OSBPL1A: variants seen among roughly 807,000 people sequenced by gnomAD.
OSBPL1A encodes the protein oxysterol-binding protein-related protein 1.
In OSBPL1A, 80 loss-of-function variants were observed where a neutral mutation model predicts 137.1. That is an observed-to-expected ratio of 0.58 (90% CI 0.49 to 0.70). The LOEUF (loss-of-function observed/expected upper bound fraction) is 0.70. OSBPL1A is among the 30% of genes least tolerant of loss of function. OSBPL1A has a pLI of 0.00. For missense variants in OSBPL1A, 970 were observed against 1,129.4 expected, an observed-to-expected ratio of 0.86 and a Z score of 2.02; for synonymous variants, 365 against 389.7, an observed-to-expected ratio of 0.94 and a Z score of 0.75.
chr18:24,262,622 G>C (rs772813330), intron 15 of OSBPL1A, among the ~76,000 whole-genome samples: 124 of 152,264 alleles, frequency 8.1e-4, no homozygotes, highest in Non-Finnish European at 1.3e-3. Context: ...TTTATGTTAA[G>C]TGTATGATTC....
At chr18:24,268,485 T>C (rs1245738576) in intron 15 of OSBPL1A, among the ~76,000 whole-genome samples, 2 of 152,068 alleles carry the variant, frequency 1.3e-5, no homozygotes, top group African/African-American at 2.4e-5. Context: ...GGCACACATA[T>C]ACCTATATAA....
intron 1 of OSBPL1A, among the ~76,000 whole-genome samples, chr18:24,382,818 G>C (rs1599737352): frequency 6.6e-6 from 1 of 152,126 alleles, no homozygotes; most frequent in East Asian, 1.9e-4. Flanking sequence ...TGAGACTGCA[G>C]TGAGCTGAGA....
rs1491534405 is a variant in OSBPL1A at position 24,175,104 on chromosome 18, G to GTGTATATATATATATA, written c.2094-2622_2094-2621insTATATATATATATACA. ...GACTTCATGTGCTTATTTGCCATGTGTATGTATATATATATATATATATAT... is the reference window on the plus strand; with the variant it reads ...GACTTCATGTGCTTATTTGCCATGTGTGTATATATATATATATATGTATATATATATATATATATAT... On this transcript the variant is annotated intron_variant, in intron 21 of 27. Coordinates refer to ENST00000319481, the MANE Select transcript of OSBPL1A (RefSeq NM_080597.4). Among the ~76,000 whole-genome samples, 339 of 42,640 alleles carry GTGTATATATATATATA rather than the reference G, an allele frequency of 8.0e-3. 6 individuals carry two copies. The highest frequency in any genetic ancestry group is 0.013 in the South Asian group (14 of 1,064). 28.0% of individuals were successfully genotyped at this position (42,640 alleles called of 152,430 possible).
chr18:24,366,068 T>C (rs1204253668), intron 4 of OSBPL1A, among the ~76,000 whole-genome samples: 1 of 152,168 alleles, frequency 6.6e-6, no homozygotes, highest in Non-Finnish European at 1.5e-5. Flanking sequence ...TTCTGACTGA[T>C]GGTCTTTAAA....
In OSBPL1A at chr18:24,233,147, T is replaced by C. The variant is rs545273774; in HGVS notation, c.1444+6073A>G. On this transcript the variant is annotated intron_variant, in intron 16 of 27. Coordinates refer to ENST00000319481, the MANE Select transcript of OSBPL1A (RefSeq NM_080597.4). ...TTCCGTGAAACTGCTCTCAGACTAG[T>C]TACTAAAGAAAAACCACCATGAAAT... 3.3e-5 allele frequency among the ~76,000 whole-genome samples: 5 copies of C among 152,316 alleles called. No individual in the cohort carries two copies. The East Asian group carries it at 7.7e-4, about 24-fold the overall frequency.
rs2091707451 is a variant in OSBPL1A at position 24,366,712 on chromosome 18, G to A, written c.282+180C>T. On this transcript the variant is annotated intron_variant, in intron 4 of 27. Coordinates refer to ENST00000319481, the MANE Select transcript of OSBPL1A (RefSeq NM_080597.4). ...CAGAGTGGGGGTCTCCATGACCTTA[G>A]TACTGGACCTCACTGTCAGACTCAA... 4 of 511,726 alleles carry A rather than the reference G, an allele frequency of 7.8e-6. No individual in the cohort carries two copies. The East Asian group carries it at 1.3e-4, about 16-fold the overall frequency. 31.7% of individuals were successfully genotyped at this position (511,726 alleles called of 1,614,324 possible). A position where few individuals can be genotyped will look rare whatever the true frequency, so the allele number is the denominator to read the frequency against.
chr18:24,362,864 G>C (rs1354192685), intron 4 of OSBPL1A, among the ~76,000 whole-genome samples: 1 of 152,152 alleles, frequency 6.6e-6, no homozygotes, highest in East Asian at 1.9e-4. Context: ...AACAAACTGA[G>C]AGGCAGTTAC....
At chr18:24,293,518 C>T (rs1035997085) in intron 14 of OSBPL1A, among the ~76,000 whole-genome samples, 9 of 152,148 alleles carry the variant, frequency 5.9e-5, no homozygotes, top group East Asian at 1.9e-4. Flanking sequence ...GCAGAGCAGA[C>T]GAGGAGGAGC....
intron 15 of OSBPL1A, among the ~76,000 whole-genome samples, chr18:24,252,952 C>A (rs1037153401): frequency 6.6e-6 from 1 of 151,334 alleles, no homozygotes; most frequent in South Asian, 2.1e-4. Flanking sequence ...AGCCTCAAAT[C>A]GAAAAACATA....
intron 15 of OSBPL1A, among the ~76,000 whole-genome samples, chr18:24,268,043 C>G (rs2089626005): frequency 6.6e-6 from 1 of 152,056 alleles, no homozygotes; most frequent in African/African-American, 2.4e-5. Context: ...CATTTGTTTC[C>G]TCACCTCCCT....
At chr18:24,231,417 C>T (rs537000822) in intron 16 of OSBPL1A, among the ~76,000 whole-genome samples, 1 of 152,214 alleles carries the variant, frequency 6.6e-6, no homozygotes, top group South Asian at 2.1e-4. Flanking sequence ...CTCAGCCTCC[C>T]TAGTAGCTGG....
intron 17 of OSBPL1A, among the ~76,000 whole-genome samples, chr18:24,199,481 G>A (rs886110935): frequency 6.6e-6 from 1 of 151,978 alleles, no homozygotes; most frequent in African/African-American, 2.4e-5. Context: ...TTGCTGATGT[G>A]TTGATGACCT....
intron 4 of OSBPL1A, among the ~76,000 whole-genome samples, chr18:24,342,765 G>C (rs2091292623): frequency 6.6e-6 from 1 of 151,832 alleles, no homozygotes; most frequent in South Asian, 2.1e-4. Context: ...GGCAAAATTT[G>C]AGTTTTCGTA....
chr18:24,256,964 C>CAAAAAAA lies in OSBPL1A; in HGVS notation c.1282-17589_1282-17583dup, dbSNP rs201880387. 1.6e-3 allele frequency among the ~76,000 whole-genome samples: 48 copies of CAAAAAAA among 29,506 alleles called. 7 individuals carry two copies. Among genetic ancestry groups the CAAAAAAA allele is most frequent in the Non-Finnish European group, 2.2e-3 (33 of 14,690 alleles). 19.4% of individuals were successfully genotyped at this position (29,506 alleles called of 152,430 possible). On this transcript the variant is annotated intron_variant, in intron 15 of 27. Coordinates refer to ENST00000319481, the MANE Select transcript of OSBPL1A (RefSeq NM_080597.4). ...GCTGATGAAAGAACTGAAGAGGATG[C>CAAAAAAA]AAAAAAAAAAAAAAAAAAAAAAAAA...
intron 21 of OSBPL1A, among the ~76,000 whole-genome samples, chr18:24,172,762 GTGTCATGAA>G (rs2086322053): frequency 6.6e-6 from 1 of 151,944 alleles, no homozygotes; most frequent in African/African-American, 2.4e-5. Flanking sequence ...GCATTCAAAA[GTGTCATGAA>G]ACATTAAAAA....
chr18:24,335,831 C>A (rs1303454795), intron 5 of OSBPL1A, among the ~76,000 whole-genome samples: 1 of 152,236 alleles, frequency 6.6e-6, no homozygotes, highest in East Asian at 1.9e-4. Flanking sequence ...TTGAATCCAG[C>A]AACTGCTGAA....
intron 1 of OSBPL1A, among the ~76,000 whole-genome samples, chr18:24,397,231 G>A (rs1408673873): frequency 6.6e-6 from 1 of 152,136 alleles, no homozygotes; most frequent in Non-Finnish European, 1.5e-5. Flanking sequence ...ATTGGGAAAC[G>A]GTCACATGAA....
intron 15 of OSBPL1A, among the ~76,000 whole-genome samples, chr18:24,263,214 G>T (rs1325400406): frequency 6.6e-6 from 1 of 152,154 alleles, no homozygotes; most frequent in African/African-American, 2.4e-5. Context: ...GAGGTTATAT[G>T]TCTATCTGAA....
chr18:24,194,764 T>C (rs966253709), intron 18 of OSBPL1A, among the ~76,000 whole-genome samples: 5 of 152,222 alleles, frequency 3.3e-5, no homozygotes, highest in Admixed American at 6.5e-5. Context: ...TGATGCTAGT[T>C]CTACACTGGA....
Sources: gnomAD v4.1 joint callset for allele counts (sites outside exome capture counted in the v4.1 genomes callset) on GRCh38, gnomAD v4.1.1 for gene constraint, MANE v1.5 for transcripts, NCBI Gene and HGNC (gene_info 2026-07-23, HGNC 2026-07-21) for gene names.